Variants in EXOC4 observed in about 807,000 individuals in gnomAD.
EXOC4 encodes the protein exocyst complex component 4, also known as SEC8-like 1.
EXOC4 carries 71 observed loss-of-function variants against 107.2 expected under a neutral mutation model. The observed-to-expected ratio is 0.66, with a 90% CI of 0.55 to 0.81. The LOEUF is 0.81. EXOC4 is among the 30% of genes least tolerant of loss of function. EXOC4 has a pLI of 0.00. For missense variants in EXOC4, 1,108 were observed against 1,189.6 expected, an observed-to-expected ratio of 0.93 and a Z score of 1.01; for synonymous variants, 456 against 441.2, an observed-to-expected ratio of 1.03 and a Z score of -0.42.
intron 10 of EXOC4, among the ~76,000 whole-genome samples, chr7:133,805,084 G>A (rs1017274370): frequency 1.3e-5 from 2 of 152,084 alleles, no homozygotes; most frequent in South Asian, 2.1e-4. Flanking sequence ...TGTACAAAAC[G>A]CAGTTGCTGC....
At position 133,366,583 on chromosome 7, in the gene EXOC4, G is replaced by C. The variant is rs377113929; in HGVS notation, c.1008-8245G>C. Among the ~76,000 whole-genome samples the C allele has an allele frequency of 3.9e-5, 6 of 152,088 alleles. No homozygotes were observed. In the East Asian group the frequency reaches 1.2e-3, roughly 29 times the overall value. The stretch of plus-strand genomic sequence containing the variant: ...GCTTGGTAAGGTTACCTTTTTGAGA[G>C]CATGGTTTTGTGTGAAATATTTTTT... On this transcript the variant is annotated intron_variant, in intron 6 of 17. Transcript: ENST00000253861.
intron 1 of EXOC4, 92 bp downstream of exon 1, chr7:133,253,279 C>CTA (rs1794934156): frequency 6.8e-7 from 1 of 1,471,466 alleles, no homozygotes; most frequent in Non-Finnish European, 9.0e-7. Context: ...TCCCACCCTG[C>CTA]TCTCCCCTTT....
rs140479215 is a variant in EXOC4 at position 134,040,426 on chromosome 7, A to G, written c.2688-23865A>G. 5.1e-3 allele frequency among the ~76,000 whole-genome samples: 775 copies of G among 152,154 alleles called. 5 individuals carry two copies. The highest frequency in any genetic ancestry group is 0.017 in the African/African-American group (711 of 41,502). On this transcript the variant is annotated intron_variant, in intron 17 of 17. Coordinates refer to ENST00000253861, the MANE Select transcript of EXOC4 (RefSeq NM_021807.4). ...GCCTTTATTCTGGCTGTTCTGATTC[A>G]TTCTTCAACTCCCAGCCTTCAAAAC... is the stretch of plus-strand genomic sequence containing the variant.
chr7:133,452,354 G>T (rs1456626021), intron 7 of EXOC4, among the ~76,000 whole-genome samples: 1 of 151,922 alleles, frequency 6.6e-6, no homozygotes, highest in Admixed American at 6.6e-5. Context: ...GTTGATTTTT[G>T]GATATGTGAA....
chr7:133,742,196 C>T (rs1048426925), intron 10 of EXOC4, among the ~76,000 whole-genome samples: 4 of 152,124 alleles, frequency 2.6e-5, no homozygotes, highest in Non-Finnish European at 4.4e-5. Flanking sequence ...CTTCTCCTGT[C>T]ACTTTCCCCA....
At chr7:133,724,427 T>G (rs991837595) in intron 10 of EXOC4, among the ~76,000 whole-genome samples, 1 of 152,208 alleles carries the variant, frequency 6.6e-6, no homozygotes, top group Non-Finnish European at 1.5e-5. Flanking sequence ...CATTCATAAG[T>G]TCATTTACTC....
chr7:133,868,778 C>T (rs991791645), intron 11 of EXOC4, among the ~76,000 whole-genome samples: 1 of 152,076 alleles, frequency 6.6e-6, no homozygotes, highest in African/African-American at 2.4e-5. Flanking sequence ...TGTTTTCTCC[C>T]TTCTGTTCTC....
At chr7:134,054,044 C>T (rs182935340) in intron 17 of EXOC4, among the ~76,000 whole-genome samples, 179 of 152,268 alleles carry the variant, frequency 1.2e-3, no homozygotes, top group African/African-American at 4.1e-3. Flanking sequence ...CTCCCAGGTT[C>T]AAGCAATTCT....
intron 2 of EXOC4, among the ~76,000 whole-genome samples, chr7:133,286,179 G>T (rs1301125055): frequency 6.6e-6 from 1 of 152,066 alleles, no homozygotes; most frequent in African/African-American, 2.4e-5. Context: ...CAATCCTCTT[G>T]CTTTGTTTTA....
intron 9 of EXOC4, among the ~76,000 whole-genome samples, chr7:133,556,119 G>C (rs533959689): frequency 6.6e-6 from 1 of 152,296 alleles, no homozygotes; most frequent in Non-Finnish European, 1.5e-5. Flanking sequence ...CCTCTCCAGA[G>C]CCTTCAGACG....
chr7:133,996,927 A>G (rs1235196073), intron 14 of EXOC4, among the ~76,000 whole-genome samples: 3 of 152,242 alleles, frequency 2.0e-5, no homozygotes, highest in African/African-American at 7.2e-5. Flanking sequence ...GGTATCTTCA[A>G]TACTTGTAGT....
At chr7:134,042,653 G>A (rs1464035798) in intron 17 of EXOC4, among the ~76,000 whole-genome samples, 1 of 152,226 alleles carries the variant, frequency 6.6e-6, no homozygotes, top group Non-Finnish European at 1.5e-5. Flanking sequence ...GCAGATTTAA[G>A]TCAGAGCCCT....
intron 10 of EXOC4, among the ~76,000 whole-genome samples, chr7:133,705,723 G>T (rs1196083120): frequency 6.6e-6 from 1 of 152,158 alleles, no homozygotes; most frequent in African/African-American, 2.4e-5. Context: ...AGATGGCTAC[G>T]AAGTGACTAA....
intron 9 of EXOC4, 43 bp from the exon 10 acceptor site, chr7:133,630,002 A>G (rs1400812629): frequency 7.0e-7 from 1 of 1,424,594 alleles, no homozygotes; most frequent in East Asian, 2.3e-5. Context: ...TATTTATAAA[A>G]GTTTCAATGA....
chr7:133,642,185 C>T (rs570138240), intron 10 of EXOC4, among the ~76,000 whole-genome samples: 3 of 152,158 alleles, frequency 2.0e-5, no homozygotes, highest in African/African-American at 4.8e-5. Flanking sequence ...AGCAAATACT[C>T]GCTGAGTGCT....
chr7:133,960,964 G>A (rs1426739742), intron 14 of EXOC4, among the ~76,000 whole-genome samples: 1 of 152,078 alleles, frequency 6.6e-6, no homozygotes, highest in African/African-American at 2.4e-5. Flanking sequence ...GCTCCCCAAC[G>A]ATGTCCACGT....
chr7:133,861,636 T>A (rs1798535789), intron 11 of EXOC4, among the ~76,000 whole-genome samples: 1 of 151,982 alleles, frequency 6.6e-6, no homozygotes, highest in Non-Finnish European at 1.5e-5. Context: ...CTGGGTTAAG[T>A]GATTCTCCTG....
In EXOC4 at chr7:133,370,175, G is replaced by C. The variant is rs192577717; in HGVS notation, c.1008-4653G>C. 1.2e-3 allele frequency among the ~76,000 whole-genome samples: 156 copies of C among 125,574 alleles called. 3 individuals are homozygous for C. Among genetic ancestry groups the C allele is most frequent in the African/African-American group, 4.9e-3 (154 of 31,540 alleles). The allele number at this position is 125,574 out of a possible 152,430, so 82.4% of individuals were successfully genotyped here. A position where few individuals can be genotyped will look rare whatever the true frequency, so the allele number is the denominator to read the frequency against. On this transcript the variant is annotated intron_variant, in intron 6 of 17. Transcript: ENST00000253861. Reference sequence around the variant, plus strand: ...CAAAAGCATAAACCAAAGAGTATCTGAGACAGGTCTCAATCAGTTTAGGAA... The same window carrying C: ...CAAAAGCATAAACCAAAGAGTATCTCAGACAGGTCTCAATCAGTTTAGGAA...
chr7:133,653,800 A>G (rs1244492587), intron 10 of EXOC4, among the ~76,000 whole-genome samples: 4 of 152,190 alleles, frequency 2.6e-5, no homozygotes, highest in African/African-American at 9.6e-5. Flanking sequence ...AGCAAATTAG[A>G]GATATTGAGA....
Sources: allele counts gnomAD v4.1 joint callset (sites outside exome capture counted in the v4.1 genomes callset), GRCh38; gene constraint gnomAD v4.1.1; transcripts MANE v1.5; gene names NCBI Gene and HGNC (gene_info 2026-07-23, HGNC 2026-07-21).